The following EXOC2 variants were observed in gnomAD, a reference collection of about 807,000 sequenced individuals.
EXOC2 encodes exocyst complex component 2.
In EXOC2, 70 loss-of-function variants were observed where a neutral mutation model predicts 131.8. That is an observed-to-expected ratio of 0.53 (90% CI 0.44 to 0.65). The LOEUF is 0.65. EXOC2 is among the 30% of genes least tolerant of loss of function. The pLI is 0.00. For synonymous variants in EXOC2, 411 were observed against 398.4 expected (o/e 1.03, Z -0.38); for missense variants, 923 against 1,108.6 (o/e 0.83, Z 2.38).
intron 12 of EXOC2, among the ~76,000 whole-genome samples, chr6:572,941 C>T (rs1044047412): frequency 1.3e-5 from 2 of 152,320 alleles, no homozygotes; most frequent in African/African-American, 4.8e-5. Context: ...GGAGGGCTAC[C>T]GAGAGGAGGT....
chr6:560,870 G>A (rs1757662784), intron 17 of EXOC2, among the ~76,000 whole-genome samples: 1 of 151,892 alleles, frequency 6.6e-6, no homozygotes, highest in Non-Finnish European at 1.5e-5. Flanking sequence ...ACCGTGCCTG[G>A]CTAATTTTTG....
intron 13 of EXOC2, among the ~76,000 whole-genome samples, chr6:570,235 G>GCCATT (rs33981522): frequency 0.95 from 142,414 of 150,558 alleles, 67,429 homozygotes; most frequent in East Asian, 1. Context: ...CCGGGTTCAC[G>GCCATT]CCATTCTCCT....
chr6:611,515 T>C (rs866787876), intron 6 of EXOC2, among the ~76,000 whole-genome samples: 1 of 152,228 alleles, frequency 6.6e-6, no homozygotes, highest in Non-Finnish European at 1.5e-5. Flanking sequence ...GAGGTGACCC[T>C]GGCCCCCCGG....
chr6:500,832 C>T (rs982783206), intron 23 of EXOC2, among the ~76,000 whole-genome samples: 6 of 151,810 alleles, frequency 4.0e-5, no homozygotes, highest in African/African-American at 1.5e-4. Context: ...ATCCACGCTA[C>T]TGGTTAGTTG....
chr6:612,764 T>C (rs895042832), intron 6 of EXOC2, among the ~76,000 whole-genome samples: 3 of 152,138 alleles, frequency 2.0e-5, no homozygotes, highest in African/African-American at 7.2e-5. Flanking sequence ...GGAAGACAAA[T>C]AAGACAGAGC....
intron 22 of EXOC2, among the ~76,000 whole-genome samples, chr6:536,123 C>G (rs2127545610): frequency 6.6e-6 from 1 of 152,186 alleles, no homozygotes; most frequent in Middle Eastern, 3.4e-3. Flanking sequence ...CAAAGTTGTC[C>G]CCTTTCACCA....
At chr6:568,877 T>C (rs562470983) in intron 13 of EXOC2, among the ~76,000 whole-genome samples, 1 of 152,236 alleles carries the variant, frequency 6.6e-6, no homozygotes, top group Non-Finnish European at 1.5e-5. Context: ...GCCCAACAAA[T>C]AGGTGTTCAT....
intron 23 of EXOC2, among the ~76,000 whole-genome samples, chr6:526,432 ATTTTTT>A (rs70985804): frequency 6.6e-5 from 5 of 76,006 alleles, no homozygotes; most frequent in African/African-American, 2.1e-4. Flanking sequence ...TTCTTTGTGG[ATTTTTT>A]TTTTTTTTTT....
chr6:686,477 C>T (rs9504754), intron 1 of EXOC2, among the ~76,000 whole-genome samples: 21,745 of 152,056 alleles, frequency 0.14, 1,711 homozygotes, highest in African/African-American at 0.2. Flanking sequence ...CCTCCCTCTA[C>T]AATGTTTGGA....
intron 3 of EXOC2, among the ~76,000 whole-genome samples, chr6:630,764 A>G (rs1485189917): frequency 6.6e-6 from 1 of 152,248 alleles, no homozygotes; most frequent in African/African-American, 2.4e-5. Context: ...TGGTAGAAAC[A>G]GCAGGGATTT....
intron 10 of EXOC2, among the ~76,000 whole-genome samples, chr6:596,533 A>C (rs1269082859): frequency 6.6e-6 from 1 of 151,890 alleles, no homozygotes; most frequent in Non-Finnish European, 1.5e-5. Flanking sequence ...GCATCTGGCT[A>C]ATTTTTGATT....
At chr6:590,950 C>T (rs79212197) in intron 11 of EXOC2, among the ~76,000 whole-genome samples, 3,058 of 152,274 alleles carry the variant, frequency 0.02, 80 homozygotes, top group African/African-American at 0.057. Context: ...AACAAAGAGG[C>T]GGAATCACTT....
intron 23 of EXOC2, among the ~76,000 whole-genome samples, chr6:529,123 C>CT (rs200254367): frequency 1.3e-5 from 2 of 152,002 alleles, no homozygotes; most frequent in Non-Finnish European, 2.9e-5. Context: ...TTTACCCCCC[C>CT]CCGCGCCCTG....
intron 11 of EXOC2, among the ~76,000 whole-genome samples, chr6:592,245 G>A (rs1004208664): frequency 1.3e-5 from 2 of 152,088 alleles, no homozygotes; most frequent in African/African-American, 4.8e-5. Flanking sequence ...GCCCCGAAAC[G>A]TCAACGCTGT....
In EXOC2 at chr6:666,316, C is replaced by T. The variant is rs140184611; in HGVS notation, c.-44+26703G>A. ...CAAAAACTAGGAGGAAAAGTCAAAA[C>T]CATTGGAAAATATGTAAAGGCATCT... On this transcript the variant is annotated intron_variant, in intron 1 of 27. Coordinates refer to ENST00000230449, the MANE Select transcript of EXOC2 (RefSeq NM_018303.6). Among the ~76,000 whole-genome samples the T allele has an allele frequency of 5.9e-3, 901 of 152,284 alleles. 8 individuals carry two copies. The highest frequency in any genetic ancestry group is 0.02 in the African/African-American group (831 of 41,534).
intron 22 of EXOC2, among the ~76,000 whole-genome samples, chr6:541,622 C>T (rs779473327): frequency 6.7e-6 from 1 of 150,116 alleles, no homozygotes; most frequent in South Asian, 2.1e-4. Context: ...AGGACCACAT[C>T]GCAGCTGAGG....
intron 24 of EXOC2, 125 bp from the exon 25 acceptor site, chr6:497,614 G>GCCAAAATTA: frequency 8.0e-7 from 1 of 1,245,888 alleles, no homozygotes; most frequent in Non-Finnish European, 1.1e-6. Context: ...TTTTTAAAAG[G>GCCAAAATTA]CCAAAATTAT....
intron 5 of EXOC2, among the ~76,000 whole-genome samples, 173 bp from the exon 6 acceptor site, chr6:618,008 A>C (rs1029895669): frequency 1.3e-5 from 2 of 152,182 alleles, no homozygotes; most frequent in Non-Finnish European, 2.9e-5. Flanking sequence ...GCGTAGATCT[A>C]AACCTTTTAT....
chr6:555,939 G>A lies in EXOC2; in HGVS notation c.1992+15C>T, dbSNP rs769618447. 6.2e-7 allele frequency: 1 copy of A among 1,612,310 alleles called. No homozygotes were observed. The highest frequency in any genetic ancestry group is 1.3e-5 in the African/African-American group (1 of 74,840). On this transcript the variant is annotated intron_variant, in intron 19 of 27. Transcript: ENST00000230449. ...ATTATTTGAGGCTTTCAGCATTACTGCTTTCTATTATTACCTGCATTATAT... is the reference window on the plus strand; with the variant it reads ...ATTATTTGAGGCTTTCAGCATTACTACTTTCTATTATTACCTGCATTATAT...
Sources: allele counts gnomAD v4.1 joint callset (sites outside exome capture counted in the v4.1 genomes callset), GRCh38; gene constraint gnomAD v4.1.1; transcripts MANE v1.5; gene names NCBI Gene and HGNC (gene_info 2026-07-23, HGNC 2026-07-21).